The following PKN2 variants were observed in gnomAD, a reference collection of about 807,000 sequenced individuals.
The protein encoded by PKN2 is protein kinase N2.
A neutral mutation model predicts 119.1 loss-of-function variants in PKN2; 38 were observed. The ratio of observed to expected loss-of-function variants is 0.32; its 90% confidence interval spans 0.25 to 0.42. The LOEUF is 0.42. Among genes scored for constraint, PKN2 ranks in the 10% least tolerant of loss-of-function variants. The pLI is 1.00. For missense variants in PKN2, 850 were observed against 1,165.1 expected, an observed-to-expected ratio of 0.73 and a Z score of 3.94; for synonymous variants, 390 against 384.9, an observed-to-expected ratio of 1.01 and a Z score of -0.15.
At chr1:88,815,469 CTGATT>C in intron 16 of PKN2, 1 of 335,010 alleles carries the variant, frequency 3.0e-6, no homozygotes, top group Non-Finnish European at 5.7e-6. Flanking sequence ...ATGAAATCAT[CTGATT>C]TATTTTTAAA....
In PKN2 at chr1:88,807,726, A is replaced by G. The variant is rs752696183; in HGVS notation, c.2053A>G (p.Ile685Val). 5.0e-6 allele frequency: 8 copies of G among 1,603,614 alleles called. No individual in the cohort carries two copies. The highest frequency in any genetic ancestry group is 1.1e-5 in the South Asian group (1 of 88,608). ...EYKNTNEMFA[I>V]KALKKGDIVA... ...TAAAAACACAAATGAGATGTTTGCT[A>G]TAAAAGCCTTAAAGAAAGGAGATAT... Residue 685 changes from isoleucine (I) to valine (V), a missense_variant, in exon 15 of 22, where the codon ATA (isoleucine) becomes GTA (valine). By Grantham distance (29) the Ile-to-Val change is conservative. Coordinates refer to ENST00000370521, the MANE Select transcript of PKN2 (RefSeq NM_006256.4).
chr1:88,813,567 GA>G lies in PKN2; in HGVS notation c.2119del (p.Arg707GlufsTer6), dbSNP rs1362530899. On this transcript the variant is annotated frameshift_variant, in exon 16 of 22. Coordinates refer to ENST00000370521, the MANE Select transcript of PKN2 (RefSeq NM_006256.4). LOFTEE classifies it high-confidence loss of function. Reference sequence around the variant, plus strand: ...TATTTTCTTTTACAGCCTGATGTGTGAAAAAAGAATTTTTGAAACTGTGAAT... The same window carrying G: ...TATTTTCTTTTACAGCCTGATGTGTGAAAAAGAATTTTTGAAACTGTGAAT... ...ARDEVDSLMC[E>X]KRIFETVNSV... The G allele has an allele frequency of 6.3e-7, 1 of 1,586,232 alleles. No individual in the cohort carries two copies. Among genetic ancestry groups the G allele is most frequent in the Admixed American group, 1.8e-5 (1 of 55,576 alleles).
rs1325871959 is a variant in PKN2, at chr1:88,833,984, T to G, written c.*536T>G. ...TTGTATACAACTCGGGGCTTGATTT[T>G]TTTTAAAAAAACAGAATGAATTGAT... On this transcript the variant is annotated 3_prime_UTR_variant, in exon 22 of 22. Coordinates refer to ENST00000370521, the MANE Select transcript of PKN2 (RefSeq NM_006256.4). The G allele has an allele frequency of 6.6e-6, 1 of 152,102 alleles. No individual in the cohort carries two copies. The highest frequency in any genetic ancestry group is 1.5e-5 in the Non-Finnish European group (1 of 67,966). The allele number at this position is 152,102 out of a possible 1,614,324, so 9.4% of individuals were successfully genotyped here.
chr1:88,773,066 C>A (rs1039946503), intron 6 of PKN2, among the ~76,000 whole-genome samples: 1 of 152,074 alleles, frequency 6.6e-6, no homozygotes, highest in Non-Finnish European at 1.5e-5. Flanking sequence ...TTTATAATGT[C>A]CTTCTTTGTC....
At chr1:88,703,178 CTTCA>C (rs1200112618) in intron 1 of PKN2, among the ~76,000 whole-genome samples, 3 of 151,994 alleles carry the variant, frequency 2.0e-5, no homozygotes, top group Non-Finnish European at 4.4e-5. Flanking sequence ...CTTGCCTAAC[CTTCA>C]TTCATGCTGA....
chr1:88,822,076 T>C, intron 17 of PKN2, 73 bp downstream of exon 17: 1 of 1,292,320 alleles, frequency 7.7e-7, no homozygotes, highest in Non-Finnish European at 1.0e-6. Context: ...ATTTTGTTTT[T>C]CTTAAACATT....
At chr1:88,691,700 G>A (rs1227278871) in intron 1 of PKN2, among the ~76,000 whole-genome samples, 1 of 152,006 alleles carries the variant, frequency 6.6e-6, no homozygotes, top group Non-Finnish European at 1.5e-5. Flanking sequence ...TTTGAGTCCT[G>A]TGTTCATTCT....
At chr1:88,802,828 T>C (rs1183977103) in intron 8 of PKN2, among the ~76,000 whole-genome samples, 2 of 152,210 alleles carry the variant, frequency 1.3e-5, no homozygotes, top group Non-Finnish European at 2.9e-5. Flanking sequence ...ATTCTGTCTC[T>C]AGCGTATGTG....
chr1:88,752,708 T>C lies in PKN2; in HGVS notation c.350-7514T>C, dbSNP rs377504478. On this transcript the variant is annotated intron_variant, in intron 2 of 21. Transcript: ENST00000370521. ...TTTGCCTTAAAGTATCTTTTGTCTG[T>C]TATTAATATAGGTTGTGGGTTGAGG... Among the ~76,000 whole-genome samples, 98 of 152,272 alleles carry C rather than the reference T, an allele frequency of 6.4e-4. 1 individual carries two copies. Among genetic ancestry groups the C allele is most frequent in the Non-Finnish European group, 1.2e-3 (82 of 67,968 alleles).
chr1:88,802,505 A>G (rs1671360983), intron 8 of PKN2, among the ~76,000 whole-genome samples: 1 of 152,012 alleles, frequency 6.6e-6, no homozygotes, highest in Non-Finnish European at 1.5e-5. Flanking sequence ...TTGTATTTTT[A>G]GTAGAAATGG....
At chr1:88,819,510 A>G (rs1672157653) in intron 16 of PKN2, among the ~76,000 whole-genome samples, 1 of 152,232 alleles carries the variant, frequency 6.6e-6, no homozygotes, top group South Asian at 2.1e-4. Flanking sequence ...AAAGTCAGGA[A>G]ACAACAGATG....
At chr1:88,721,372 T>C (rs1325943472) in intron 1 of PKN2, among the ~76,000 whole-genome samples, 7 of 152,176 alleles carry the variant, frequency 4.6e-5, no homozygotes, top group Admixed American at 4.6e-4. Flanking sequence ...GACCCTTTGT[T>C]CTTAAGGGTC....
rs771997558 is a variant in PKN2, at chr1:88,771,402, AT to A, written c.623-10del. ...AAGTCAGATAAATGGTGCAATTAAA[AT>A]TTTTTTTTCCTTTCTAGCAAAACCT... On this transcript the variant is annotated intron_variant, in intron 4 of 21. Transcript: ENST00000370521. 6.6e-5 allele frequency: 102 copies of A among 1,550,294 alleles called. No individual in the cohort carries two copies. Among genetic ancestry groups the A allele is most frequent in the South Asian group, 9.8e-5 (8 of 81,286 alleles).
chr1:88,781,668 TAA>T (rs1670351599), intron 6 of PKN2, among the ~76,000 whole-genome samples: 1 of 152,140 alleles, frequency 6.6e-6, no homozygotes. Context: ...ATTTTTTTCC[TAA>T]ATGAAAGCAG....
intron 2 of PKN2, among the ~76,000 whole-genome samples, chr1:88,745,702 A>G (rs990676711): frequency 1.3e-5 from 2 of 152,158 alleles, no homozygotes; most frequent in Non-Finnish European, 2.9e-5. Flanking sequence ...TCGTATCAAA[A>G]TCCCAACATC....
At chr1:88,800,165 C>G (rs1570649924) in intron 8 of PKN2, among the ~76,000 whole-genome samples, 3 of 152,298 alleles carry the variant, frequency 2.0e-5, no homozygotes. Flanking sequence ...CAGACTTTCT[C>G]AATTCAGTGT....
At chr1:88,804,948 C>G in intron 10 of PKN2, 27 bp downstream of exon 10, 2 of 1,040,686 alleles carry the variant, frequency 1.9e-6, no homozygotes, top group Non-Finnish European at 2.9e-6. Flanking sequence ...AAATGCATAG[C>G]ATTTTGATAT....
intron 8 of PKN2, among the ~76,000 whole-genome samples, chr1:88,797,334 TAA>T (rs1305618821): frequency 1.1e-4 from 14 of 126,252 alleles, no homozygotes; most frequent in African/African-American, 1.5e-4. Context: ...AACTCTATCT[TAA>T]AAAAAAAAAA....
intron 1 of PKN2, among the ~76,000 whole-genome samples, chr1:88,716,011 C>A (rs1667434754): frequency 6.6e-6 from 1 of 152,176 alleles, no homozygotes; most frequent in Admixed American, 6.5e-5. Context: ...TCATTGGTTT[C>A]AAATAACTTG....
Sources: gnomAD v4.1 joint callset for allele counts (sites outside exome capture counted in the v4.1 genomes callset) on GRCh38, gnomAD v4.1.1 for gene constraint, MANE v1.5 for transcripts, NCBI Gene and HGNC (gene_info 2026-07-23, HGNC 2026-07-21) for gene names.